Variants in LRRTM4 observed in about 807,000 individuals in gnomAD.
The protein encoded by LRRTM4 is leucine rich repeat transmembrane neuronal 4.
In LRRTM4, 25 loss-of-function variants were observed where a neutral mutation model predicts 47.6. The observed-to-expected ratio is 0.53, with a 90% CI of 0.38 to 0.73. LRRTM4 has a LOEUF of 0.73. Among genes scored for constraint, LRRTM4 ranks in the 30% least tolerant of loss-of-function variants. The pLI, the probability that LRRTM4 is intolerant of heterozygous loss-of-function variation, is 0.00. For missense variants in LRRTM4, 638 were observed against 713.4 expected (o/e 0.89, Z 1.20); for synonymous variants, 311 against 269.5 (o/e 1.15, Z -1.51).
intron 3 of LRRTM4, among the ~76,000 whole-genome samples, chr2:77,057,883 A>C (rs1679660877): frequency 6.6e-6 from 1 of 152,154 alleles, no homozygotes; most frequent in African/African-American, 2.4e-5. Flanking sequence ...AGATTCATGA[A>C]ACTTAGAGGT....
intron 3 of LRRTM4, among the ~76,000 whole-genome samples, chr2:76,912,756 G>C (rs1674114878): frequency 6.6e-6 from 1 of 152,080 alleles, no homozygotes; most frequent in South Asian, 2.1e-4. Context: ...TGCTGTCCTC[G>C]GGATAGTGAG....
At chr2:77,193,908 C>T (rs776954670) in intron 3 of LRRTM4, among the ~76,000 whole-genome samples, 1 of 152,142 alleles carries the variant, frequency 6.6e-6, no homozygotes, top group Non-Finnish European at 1.5e-5. Context: ...TGGGAAGTGA[C>T]TATGTCAGAA....
chr2:77,152,087 G>A (rs996453988), intron 3 of LRRTM4, among the ~76,000 whole-genome samples: 1 of 152,122 alleles, frequency 6.6e-6, no homozygotes, highest in Non-Finnish European at 1.5e-5. Flanking sequence ...TTAAATTGAT[G>A]ACTGGCTTTA....
chr2:76,962,692 A>G (rs191692409), intron 3 of LRRTM4, among the ~76,000 whole-genome samples: 1 of 150,698 alleles, frequency 6.6e-6, no homozygotes, highest in Non-Finnish European at 1.5e-5. Context: ...AAATTTTAAT[A>G]TAATATTAAA....
intron 3 of LRRTM4, among the ~76,000 whole-genome samples, chr2:77,193,495 TC>T (rs1192822213): frequency 6.6e-6 from 1 of 151,900 alleles, no homozygotes; most frequent in African/African-American, 2.4e-5. Context: ...TATGCCTTGC[TC>T]TTTTTTTTTT....
intron 3 of LRRTM4, among the ~76,000 whole-genome samples, chr2:76,879,552 G>A (rs1672871123): frequency 6.6e-6 from 1 of 152,178 alleles, no homozygotes; most frequent in Non-Finnish European, 1.5e-5. Context: ...CATTGGCAAT[G>A]AACTAGTCAC....
intron 3 of LRRTM4, among the ~76,000 whole-genome samples, chr2:76,872,834 G>C (rs1672664484): frequency 6.6e-6 from 1 of 152,002 alleles, no homozygotes; most frequent in African/African-American, 2.4e-5. Flanking sequence ...TGCTCTACTA[G>C]TTCCTGCAAG....
intron 3 of LRRTM4, among the ~76,000 whole-genome samples, chr2:76,966,794 T>C (rs917629662): frequency 6.6e-6 from 1 of 151,544 alleles, no homozygotes; most frequent in African/African-American, 2.4e-5. Context: ...TGGTTGACAC[T>C]GCCAATTAAC....
intron 3 of LRRTM4, among the ~76,000 whole-genome samples, chr2:76,756,952 CTTTAT>C (rs1673052214): frequency 6.6e-6 from 1 of 152,012 alleles, no homozygotes; most frequent in African/African-American, 2.4e-5. Context: ...CATACCCTTT[CTTTAT>C]TTTGTTTTGA....
At chr2:77,078,396 A>C (rs1572933610) in intron 3 of LRRTM4, among the ~76,000 whole-genome samples, 1 of 151,964 alleles carries the variant, frequency 6.6e-6, no homozygotes. Context: ...ACACACACAC[A>C]CACACACACA....
At chr2:77,337,855 T>C (rs1482735170) in intron 3 of LRRTM4, among the ~76,000 whole-genome samples, 1 of 152,058 alleles carries the variant, frequency 6.6e-6, no homozygotes, top group Non-Finnish European at 1.5e-5. Context: ...CTTCAAACTA[T>C]ACTACAAGGC....
chr2:77,513,051 C>T (rs1558777680), intron 3 of LRRTM4, among the ~76,000 whole-genome samples: 1 of 152,116 alleles, frequency 6.6e-6, no homozygotes, highest in African/African-American at 2.4e-5. Context: ...TTCAGACAAT[C>T]GATTTTTTAA....
chr2:76,865,393 A>G (rs1233893473), intron 3 of LRRTM4, among the ~76,000 whole-genome samples: 1 of 152,208 alleles, frequency 6.6e-6, no homozygotes, highest in Non-Finnish European at 1.5e-5. Flanking sequence ...TTGGATTTAC[A>G]TGGCCCACCT....
chr2:77,130,597 C>T (rs1173602250), intron 3 of LRRTM4, among the ~76,000 whole-genome samples: 2 of 151,304 alleles, frequency 1.3e-5, no homozygotes, highest in African/African-American at 2.4e-5. Context: ...CTGCAAGCTC[C>T]GCCTCCCGGG....
At chr2:77,484,379 A>G (rs527868620) in intron 3 of LRRTM4, among the ~76,000 whole-genome samples, 1 of 152,176 alleles carries the variant, frequency 6.6e-6, no homozygotes, top group South Asian at 2.1e-4. Context: ...ATTATACTGT[A>G]TTGGATCATG....
At position 77,519,420 on chromosome 2, in the gene LRRTM4, G is replaced by T. The variant is rs771505210; in HGVS notation, c.449C>A (p.Ser150Tyr). 1 of 1,613,326 alleles carries T rather than the reference G, an allele frequency of 6.2e-7. No individual in the cohort carries two copies. The highest frequency in any genetic ancestry group is 1.3e-5 in the African/African-American group (1 of 74,880). The change falls in exon 3 of 4, where the codon TCT becomes TAT. Residue 150 changes from serine (S) to tyrosine (Y), a missense_variant. By Grantham distance (144) the Ser-to-Tyr change is moderately radical (BLOSUM62 -2). Transcript: ENST00000409884. This position sits in a 1 kb window ranked among gnomAD's most constrained non-coding sequence, Gnocchi z 4.6. The stretch of plus-strand genomic sequence containing the variant: ...TTTCCGAAGGCCTTTAAATTGTTCA[G>T]ATTGCAATGTCTGAAGCTTATTGTA... The part of the protein sequence containing the change: ...LSYNKLQTLQ[S>Y]EQFKGLRKLI...
At chr2:77,361,285 A>C (rs1573310363) in intron 3 of LRRTM4, among the ~76,000 whole-genome samples, 1 of 151,442 alleles carries the variant, frequency 6.6e-6, no homozygotes, top group African/African-American at 2.4e-5. Flanking sequence ...TCCTTTTGCC[A>C]CTGGTAAAAG....
intron 3 of LRRTM4, among the ~76,000 whole-genome samples, chr2:76,796,834 C>A (rs912712454): frequency 2.6e-5 from 4 of 151,958 alleles, no homozygotes; most frequent in African/African-American, 4.8e-5. Context: ...AAGGCAGACG[C>A]CTCAGGAGCT....
At chr2:77,014,310 T>A (rs1677978051) in intron 3 of LRRTM4, among the ~76,000 whole-genome samples, 1 of 152,112 alleles carries the variant, frequency 6.6e-6, no homozygotes, top group Admixed American at 6.6e-5. Flanking sequence ...GAGTGCATAT[T>A]CTATTCACAT....
Sources: gnomAD v4.1 joint callset for allele counts (sites outside exome capture counted in the v4.1 genomes callset) on GRCh38, gnomAD v4.1.1 for gene constraint, Gnocchi (gnomAD v3.1) non-coding constraint, MANE v1.5 for transcripts, NCBI Gene and HGNC (gene_info 2026-07-23, HGNC 2026-07-21) for gene names.